NTM: variants seen among roughly 807,000 people sequenced by gnomAD.
NTM encodes the protein neurotrimin.
NTM carries 13 observed loss-of-function variants against 42.1 expected under a neutral mutation model. The observed-to-expected ratio is 0.31, with a 90% CI of 0.20 to 0.49. The LOEUF (loss-of-function observed/expected upper bound fraction) is 0.49, where lower values mean the gene tolerates loss of function less well. Ranked by LOEUF, NTM falls within the 20% of genes least tolerant of loss-of-function variation. The probability of loss-of-function intolerance (pLI) is 0.99; values close to 1 mark genes in which losing one functional copy is unlikely to be tolerated. For missense variants in NTM, 373 were observed against 452.8 expected, an observed-to-expected ratio of 0.82 and a Z score of 1.60; for synonymous variants, 187 against 179.2, an observed-to-expected ratio of 1.04 and a Z score of -0.35.
intron 1 of NTM, among the ~76,000 whole-genome samples, chr11:131,690,825 G>A (rs1412991575): frequency 3.9e-5 from 6 of 152,198 alleles, no homozygotes; most frequent in African/African-American, 1.4e-4. Flanking sequence ...GGCACACGGC[G>A]GGTGAAGACG....
At chr11:132,047,202 A>G (rs1247317326) in intron 2 of NTM, among the ~76,000 whole-genome samples, 1 of 152,240 alleles carries the variant, frequency 6.6e-6, no homozygotes, top group Non-Finnish European at 1.5e-5. Flanking sequence ...TCTAAGAAGA[A>G]TGAGCAGGAT....
intron 1 of NTM, among the ~76,000 whole-genome samples, chr11:131,641,589 C>T (rs1399684174): frequency 6.6e-6 from 1 of 152,082 alleles, no homozygotes; most frequent in Non-Finnish European, 1.5e-5. Flanking sequence ...CTGCCATTTC[C>T]AAGGGGGGGA....
intron 1 of NTM, among the ~76,000 whole-genome samples, chr11:131,893,780 C>T (rs938301601): frequency 3.3e-5 from 5 of 152,106 alleles, no homozygotes; most frequent in African/African-American, 1.2e-4. Context: ...GGACCCAGGA[C>T]CTCAGAGTTG....
At chr11:131,455,124 A>G (rs1431104787) in intron 1 of NTM, among the ~76,000 whole-genome samples, 1 of 152,200 alleles carries the variant, frequency 6.6e-6, no homozygotes, top group East Asian at 1.9e-4. Context: ...AAGACTTAAA[A>G]TCTGCTTGGC....
chr11:131,685,883 A>C (rs1295460132), intron 1 of NTM, among the ~76,000 whole-genome samples: 1 of 152,222 alleles, frequency 6.6e-6, no homozygotes, highest in Non-Finnish European at 1.5e-5. Context: ...GAATCAAGTC[A>C]TGGTAACTAG....
intron 2 of NTM, among the ~76,000 whole-genome samples, chr11:132,004,670 CAT>C (rs1317650858): frequency 2.6e-5 from 4 of 151,122 alleles, no homozygotes; most frequent in Non-Finnish European, 4.4e-5. Context: ...CACACACACA[CAT>C]AGACACATAC....
At chr11:131,509,346 T>A (rs1381815649) in intron 1 of NTM, among the ~76,000 whole-genome samples, 1 of 152,234 alleles carries the variant, frequency 6.6e-6, no homozygotes, top group African/African-American at 2.4e-5. Flanking sequence ...CTTTACTCTG[T>A]CGGTGTCCAA....
chr11:132,181,190 C>G (rs2077524340), intron 3 of NTM, among the ~76,000 whole-genome samples: 1 of 152,166 alleles, frequency 6.6e-6, no homozygotes. Flanking sequence ...GACTTTCACC[C>G]AACTCTCACC....
intron 2 of NTM, among the ~76,000 whole-genome samples, chr11:132,134,690 G>A (rs1448354530): frequency 3.3e-5 from 4 of 119,684 alleles, no homozygotes; most frequent in Admixed American, 1.9e-4. Flanking sequence ...TTTTATGGCC[G>A]AGTAGTATTC....
chr11:131,757,318 C>T (rs900282561), intron 1 of NTM, among the ~76,000 whole-genome samples: 1 of 152,010 alleles, frequency 6.6e-6, no homozygotes, highest in Non-Finnish European at 1.5e-5. Flanking sequence ...TCTTTCACTT[C>T]TCTGGAGGCT....
At chr11:131,499,028 C>G (rs970480316) in intron 1 of NTM, among the ~76,000 whole-genome samples, 2 of 151,892 alleles carry the variant, frequency 1.3e-5, no homozygotes, top group African/African-American at 4.8e-5. Flanking sequence ...ACATTCTTTT[C>G]CAGCACTTGG....
intron 1 of NTM, among the ~76,000 whole-genome samples, chr11:131,631,556 C>T (rs1057085689): frequency 6.6e-6 from 1 of 152,152 alleles, no homozygotes; most frequent in African/African-American, 2.4e-5. Context: ...TGACTCACAA[C>T]AAAAAAGATG....
At chr11:132,226,493 C>T (rs1017915711) in intron 4 of NTM, among the ~76,000 whole-genome samples, 2 of 152,154 alleles carry the variant, frequency 1.3e-5, no homozygotes, top group African/African-American at 2.4e-5. Flanking sequence ...TGTTTATTGG[C>T]TGTATAAATG....
At chr11:131,380,884 T>C (rs899395431) in intron 1 of NTM, among the ~76,000 whole-genome samples, 1 of 152,210 alleles carries the variant, frequency 6.6e-6, no homozygotes, top group African/African-American at 2.4e-5. Context: ...AACTTACCCT[T>C]TCTATTATAA....
intron 1 of NTM, among the ~76,000 whole-genome samples, chr11:131,910,460 G>A (rs1163463003): frequency 3.3e-5 from 5 of 150,890 alleles, no homozygotes; most frequent in African/African-American, 7.3e-5. Context: ...TAAGGTGGGC[G>A]CCCGCGCCCC....
chr11:132,135,313 T>C (rs960740627), intron 2 of NTM, among the ~76,000 whole-genome samples: 1 of 152,214 alleles, frequency 6.6e-6, no homozygotes, highest in Non-Finnish European at 1.5e-5. Context: ...TCTAGCACCT[T>C]CCTTTCCTTG....
intron 1 of NTM, among the ~76,000 whole-genome samples, chr11:131,723,220 A>T (rs917915396): frequency 6.6e-6 from 1 of 152,226 alleles, no homozygotes; most frequent in African/African-American, 2.4e-5. Context: ...TGGTGTTTTA[A>T]GCTTGTTTGC....
intron 1 of NTM, among the ~76,000 whole-genome samples, chr11:131,802,415 C>A (rs559238049): frequency 6.6e-6 from 1 of 152,346 alleles, no homozygotes; most frequent in South Asian, 2.1e-4. Context: ...TCATAATTCC[C>A]TGCTATCGCC....
At chr11:132,190,941 TTTG>T (rs1348684024) in intron 3 of NTM, among the ~76,000 whole-genome samples, 13 of 146,954 alleles carry the variant, frequency 8.8e-5, no homozygotes, top group Admixed American at 2.1e-4. Flanking sequence ...GATGATATTA[TTTG>T]TTTTTTTTTG....
Sources: gnomAD v4.1 joint callset for allele counts (sites outside exome capture counted in the v4.1 genomes callset) on GRCh38, gnomAD v4.1.1 for gene constraint, MANE v1.5 for transcripts, NCBI Gene and HGNC (gene_info 2026-07-23, HGNC 2026-07-21) for gene names.